RPS6: variants seen among roughly 807,000 people sequenced by gnomAD.
The protein encoded by RPS6 is ribosomal protein S6.
RPS6 carries 1 observed loss-of-function variant against 27.1 expected under a neutral mutation model. The observed-to-expected ratio is 0.04, with a 90% CI of 0.01 to 0.18. The LOEUF is 0.18. RPS6 is among the 10% of genes least tolerant of loss of function. The probability of loss-of-function intolerance (pLI) is 1.00; values close to 1 mark genes in which losing one functional copy is unlikely to be tolerated. For synonymous variants in RPS6, 152 were observed against 106.0 expected, an observed-to-expected ratio of 1.43 and a Z score of -2.66; for missense variants, 259 against 319.1, an observed-to-expected ratio of 0.81 and a Z score of 1.44.
In RPS6 at chr9:19,378,811, G is replaced by A. The variant is rs376268808; in HGVS notation, c.246C>T (p.Ser82=). The A allele has an allele frequency of 3.1e-6, 5 of 1,614,022 alleles. No homozygotes were observed. In the African/African-American group the frequency reaches 5.3e-5, roughly 17 times the overall value. Residue 82 remains serine, a synonymous_variant, in exon 3 of 6, where the codon TCC becomes TCT. Coordinates refer to ENST00000380394, the MANE Select transcript of RPS6 (RefSeq NM_001010.3). ...RVRLLLSKGH[S]CYRPRRTGER... ...CTCCAGTTCTCCTTGGTCTGTAACA[G>A]GAATGCCCCTTACTCAGTAGCAGGC...
chr9:19,376,148 T>C lies in RPS6; in HGVS notation c.*145A>G. On this transcript the variant is annotated 3_prime_UTR_variant, in exon 6 of 6. Transcript: ENST00000380394. ...ACTACCACACACAATAGGTCTGACT[T>C]TATCCACCATTGGAATACCATATAT... The C allele has an allele frequency of 2.9e-6, 2 of 696,588 alleles. No homozygotes were observed. Among genetic ancestry groups the C allele is most frequent in the Non-Finnish European group, 4.8e-6 (2 of 419,400 alleles). The allele number at this position is 696,588 out of a possible 1,614,324, so 43.2% of individuals were successfully genotyped here.
At chr9:19,380,128 C>G in intron 1 of RPS6, 62 bp downstream of exon 1, 1 of 1,614,114 alleles carries the variant, frequency 6.2e-7, no homozygotes, top group South Asian at 1.1e-5. Flanking sequence ...GAGGCAATGC[C>G]GCGTTCTGGG....
chr9:19,379,533 C>T lies in RPS6; in HGVS notation c.92G>A (p.Arg31His). The change falls in exon 2 of 6, where the codon CGT becomes CAT. Residue 31 changes from arginine (R) to histidine (H), a missense_variant. Transcript: ENST00000380394. ...ERKLRTFYEK[R>H]MATEVAADAL... ...GTCAGCAGCAACTTCTGTGGCCATA[C>T]GCTTCTCATAGAAAGTACGAAGTTT... 3 of 1,614,148 alleles carry T rather than the reference C, an allele frequency of 1.9e-6. No individual in the cohort carries two copies. The highest frequency in any genetic ancestry group is 1.1e-5 in the South Asian group (1 of 91,078).
At chr9:19,378,659 AC>A in intron 3 of RPS6, 48 bp downstream of exon 3, 1 of 1,601,746 alleles carries the variant, frequency 6.2e-7, no homozygotes, top group Non-Finnish European at 8.6e-7. Flanking sequence ...CATTTGGACA[AC>A]TGGCTTTAAA....
At position 19,376,658 on chromosome 9, in the gene RPS6, A is replaced by T; in HGVS notation, c.497-7T>A. On this transcript the variant is annotated splice_region_variant and splice_polypyrimidine_tract_variant and intron_variant, in intron 4 of 5. Coordinates refer to ENST00000380394, the MANE Select transcript of RPS6 (RefSeq NM_001010.3). ...TTGGTCCTAGGTTTCTTACCTAAAA[A>T]TTCAAAGGACTCAATCATTTCAATA... is the stretch of plus-strand genomic sequence containing the variant. The T allele has an allele frequency of 5.6e-6, 9 of 1,597,992 alleles. No homozygotes were observed. Among genetic ancestry groups the T allele is most frequent in the Non-Finnish European group, 7.7e-6 (9 of 1,175,968 alleles).
intron 3 of RPS6, 72 bp from the exon 4 acceptor site, chr9:19,378,586 T>G: frequency 6.3e-7 from 1 of 1,588,006 alleles, no homozygotes. Context: ...ATGTTTAATG[T>G]TGAATTGATG....
At chr9:19,377,685 G>A (rs1829611421) in intron 4 of RPS6, among the ~76,000 whole-genome samples, 1 of 152,164 alleles carries the variant, frequency 6.6e-6, no homozygotes, top group African/African-American at 2.4e-5. Context: ...TCACTGGTGA[G>A]TATGTTGTCT....
At chr9:19,378,608 A>T in intron 3 of RPS6, 94 bp from the exon 4 acceptor site, 8 of 1,571,358 alleles carry the variant, frequency 5.1e-6, no homozygotes, top group Non-Finnish European at 7.0e-6. Context: ...TAGAGAAACA[A>T]ATCCATTGGT....
In RPS6 at chr9:19,376,219, T is replaced by C. The variant is rs1452058270; in HGVS notation, c.*74A>G. Reference sequence around the variant, plus strand: ...ACCTAACTTTCCCTCTCTTCATTTATGTAGTTTTCTATCAGCAATGAAAAG... The same window carrying C: ...ACCTAACTTTCCCTCTCTTCATTTACGTAGTTTTCTATCAGCAATGAAAAG... On this transcript the variant is annotated 3_prime_UTR_variant, in exon 6 of 6. Coordinates refer to ENST00000380394, the MANE Select transcript of RPS6 (RefSeq NM_001010.3). 8 of 1,264,252 alleles carry C rather than the reference T, an allele frequency of 6.3e-6. No individual in the cohort carries two copies. Among genetic ancestry groups the C allele is most frequent in the Non-Finnish European group, 7.9e-6 (7 of 887,270 alleles). The allele number at this position is 1,264,252 out of a possible 1,614,324, so 78.3% of individuals were successfully genotyped here. A position where few individuals can be genotyped will look rare whatever the true frequency, so the allele number is the denominator to read the frequency against.
chr9:19,379,819 T>TC, intron 1 of RPS6: 1 of 1,427,846 alleles, frequency 7.0e-7, no homozygotes, highest in South Asian at 1.5e-5. Flanking sequence ...CAGGACGTTT[T>TC]CCCCTCAAGC....
chr9:19,380,236 G>A lies in RPS6; in HGVS notation c.-41C>T, dbSNP rs369300231. 6.0e-5 allele frequency: 96 copies of A among 1,608,104 alleles called. No homozygotes were observed. The highest frequency in any genetic ancestry group is 1.3e-4 in the South Asian group (12 of 90,964). On this transcript the variant is annotated 5_prime_UTR_variant, in exon 1 of 6. Transcript: ENST00000380394. The stretch of plus-strand genomic sequence containing the variant: ...CGCCTCCGAGGCGCCACGGAAAAGA[G>A]GGCCAACTTCCGCTTAGCGCAGGTC...
In RPS6 at chr9:19,378,354, A is replaced by T; in HGVS notation, c.496+14T>A. ...CCAAAATTAAGCAAGCCCTAATTGC[A>T]TAATCCCTCCTACCTTCTTTATTTA... On this transcript the variant is annotated intron_variant, in intron 4 of 5. Transcript: ENST00000380394. 6.2e-7 allele frequency: 1 copy of T among 1,610,592 alleles called. No homozygotes were observed. The highest frequency in any genetic ancestry group is 1.1e-5 in the South Asian group (1 of 90,760).
rs756183833 is a variant in RPS6, at chr9:19,379,622, A to C, written c.7-4T>G. 7 of 1,611,054 alleles carry C rather than the reference A, an allele frequency of 4.3e-6. No homozygotes were observed. Among genetic ancestry groups the C allele is most frequent in the Non-Finnish European group, 5.9e-6 (7 of 1,178,420 alleles). On this transcript the variant is annotated splice_region_variant and splice_polypyrimidine_tract_variant and intron_variant, in intron 1 of 5. Coordinates refer to ENST00000380394, the MANE Select transcript of RPS6 (RefSeq NM_001010.3). The stretch of plus-strand genomic sequence containing the variant: ...TGGCTGGGAAGGAGATGTTCAGCTA[A>C]GGATTAAAAGGGGGGAAATAGTTTA...
At chr9:19,377,699 A>G (rs538435294) in intron 4 of RPS6, among the ~76,000 whole-genome samples, 1 of 152,338 alleles carries the variant, frequency 6.6e-6, no homozygotes, top group South Asian at 2.1e-4. Flanking sequence ...GTTGTCTACT[A>G]TATGGACAAA....
At chr9:19,379,947 CCGTCCCGGCTGGGCGCG>C in intron 1 of RPS6, 1 of 1,435,790 alleles carries the variant, frequency 7.0e-7, no homozygotes, top group South Asian at 1.5e-5. Context: ...CACGCCGCAT[CCGTCCCGGCTGGGCGCG>C]GGGACGCCAC....
In RPS6 at chr9:19,376,099, C is replaced by G. The variant is rs1589011754; in HGVS notation, c.*194G>C. The G allele has an allele frequency of 1.9e-6, 1 of 516,956 alleles. No individual in the cohort carries two copies. The highest frequency in any genetic ancestry group is 3.4e-6 in the Non-Finnish European group (1 of 294,958). The allele number at this position is 516,956 out of a possible 1,614,324, so 32.0% of individuals were successfully genotyped here. A position where few individuals can be genotyped will look rare whatever the true frequency, so the allele number is the denominator to read the frequency against. ...GTGCCACCCATCCCCTGAAAGGAAC[C>G]CCTGTACACTGACCTTGTCTTCCAC... On this transcript the variant is annotated 3_prime_UTR_variant, in exon 6 of 6. Transcript: ENST00000380394.
At chr9:19,379,005 A>G (rs183760715) in intron 2 of RPS6, 87 bp from the exon 3 acceptor site, 6 of 1,252,690 alleles carry the variant, frequency 4.8e-6, no homozygotes, top group Admixed American at 4.8e-5. Context: ...GAACACACCT[A>G]TATGAGAAAG....
rs1406890623 is a variant in RPS6, at chr9:19,379,559, G to A, written c.66C>T (p.Arg22=). 6.2e-7 allele frequency: 1 copy of A among 1,614,182 alleles called. No homozygotes were observed. Among genetic ancestry groups the A allele is most frequent in the Non-Finnish European group, 8.5e-7 (1 of 1,180,040 alleles). The change falls in exon 2 of 6, where the codon CGC becomes CGT. Residue 22 remains arginine, a synonymous_variant. Transcript: ENST00000380394. ...CQKLIEVDDE[R]KLRTFYEKRM... ...GCTTCTCATAGAAAGTACGAAGTTT[G>A]CGTTCATCGTCCACTTCAATGAGTT...
Position 19,379,146 on chromosome 9 carries a change from A to C in RPS6, c.139-228T>G, listed in dbSNP as rs1264479325. ...GCATTTCTAACCGATGTTTTATTAGAGATAACAGCACTAAGAAGATAAAAT... is the reference window on the plus strand; with the variant it reads ...GCATTTCTAACCGATGTTTTATTAGCGATAACAGCACTAAGAAGATAAAAT... On this transcript the variant is annotated intron_variant, in intron 2 of 5. Transcript: ENST00000380394. The C allele has an allele frequency of 3.8e-6, 3 of 782,668 alleles. No individual in the cohort carries two copies. In the African/African-American group the frequency reaches 5.2e-5, roughly 14 times the overall value. 48.5% of individuals were successfully genotyped at this position (782,668 alleles called of 1,614,324 possible).
Sources: allele counts gnomAD v4.1 joint callset (sites outside exome capture counted in the v4.1 genomes callset), GRCh38; gene constraint gnomAD v4.1.1; transcripts MANE v1.5; gene names NCBI Gene and HGNC (gene_info 2026-07-23, HGNC 2026-07-21).